Variants in BCL2 observed in about 807,000 individuals in gnomAD.
BCL2 encodes the protein apoptosis regulator Bcl-2.
Under a neutral mutation model 14.2 loss-of-function variants are expected in BCL2, and 1 was observed. The observed-to-expected ratio is 0.07, with a 90% CI of 0.02 to 0.33. The LOEUF is 0.33. BCL2 is among the 10% of genes least tolerant of loss of function. The pLI, the probability that BCL2 is intolerant of heterozygous loss-of-function variation, is 0.99. For synonymous variants in BCL2, 151 were observed against 137.2 expected (o/e 1.10, Z -0.70); for missense variants, 247 against 305.9 (o/e 0.81, Z 1.44).
At chr18:63,219,656 T>C (rs1266187586) in intron 2 of BCL2, among the ~76,000 whole-genome samples, 1 of 152,116 alleles carries the variant, frequency 6.6e-6, no homozygotes, top group Non-Finnish European at 1.5e-5. Flanking sequence ...CACCATTGTC[T>C]TCCAAGTGTG....
intron 2 of BCL2, among the ~76,000 whole-genome samples, chr18:63,290,793 C>G (rs1226950885): frequency 2.0e-5 from 3 of 152,158 alleles, no homozygotes; most frequent in Non-Finnish European, 4.4e-5. Context: ...AAAAGAATAA[C>G]CTAATTCATT....
intron 2 of BCL2, among the ~76,000 whole-genome samples, chr18:63,146,666 C>T (rs747913916): frequency 2.6e-5 from 4 of 152,110 alleles, no homozygotes; most frequent in African/African-American, 7.2e-5. Context: ...ATTCTTATGT[C>T]TTACAATTTT....
intron 2 of BCL2, among the ~76,000 whole-genome samples, chr18:63,225,076 G>A (rs868521506): frequency 2.6e-5 from 4 of 152,090 alleles, no homozygotes; most frequent in African/African-American, 7.2e-5. Flanking sequence ...GATTACTAAT[G>A]TGATCAGCTT....
At chr18:63,208,783 T>C (rs17062654) in intron 2 of BCL2, among the ~76,000 whole-genome samples, 3,014 of 152,332 alleles carry the variant, frequency 0.02, 32 homozygotes, top group South Asian at 0.055. Context: ...TGCTTTGGAC[T>C]GAATAATACT....
At chr18:63,317,835 A>C in intron 2 of BCL2, 1 of 1,384,082 alleles carries the variant, frequency 7.2e-7, no homozygotes, top group Non-Finnish European at 9.3e-7. Flanking sequence ...TGGATTACAA[A>C]CGCTAGATCT....
chr18:63,138,602 C>A (rs1055333043), intron 2 of BCL2, among the ~76,000 whole-genome samples: 2 of 152,248 alleles, frequency 1.3e-5, no homozygotes, highest in Non-Finnish European at 2.9e-5. Context: ...TCCAGGCTGG[C>A]GAAGGCTGCT....
chr18:63,232,436 G>A (rs560693626), intron 2 of BCL2, among the ~76,000 whole-genome samples: 65 of 151,750 alleles, frequency 4.3e-4, no homozygotes, highest in African/African-American at 1.4e-3. Flanking sequence ...ACTCTATAAG[G>A]AAAAAACAAC....
At position 63,300,466 on chromosome 18, in the gene BCL2, C is replaced by CTGTGTG. The variant is rs371006514; in HGVS notation, c.585+17610_585+17615dup. On this transcript the variant is annotated intron_variant, in intron 2 of 2. Coordinates refer to ENST00000333681, the MANE Select transcript of BCL2 (RefSeq NM_000633.3). ...TCTTGTGCTCCTTCTCTCTCTCTCT[C>CTGTGTG]TGTGTGTGTGTGTGTGTGTGTGTGT... Among the ~76,000 whole-genome samples the CTGTGTG allele has an allele frequency of 6.3e-3, 930 of 148,116 alleles. 5 individuals are homozygous for CTGTGTG. Among genetic ancestry groups the CTGTGTG allele is most frequent in the Middle Eastern group, 0.014 (4 of 288 alleles).
At chr18:63,276,888 G>C (rs903760864) in intron 2 of BCL2, among the ~76,000 whole-genome samples, 4 of 152,172 alleles carry the variant, frequency 2.6e-5, no homozygotes, top group Non-Finnish European at 5.9e-5. Flanking sequence ...GCATTGTATG[G>C]ATGGTTTGTA....
At chr18:63,290,931 A>C (rs1017966279) in intron 2 of BCL2, among the ~76,000 whole-genome samples, 2 of 152,144 alleles carry the variant, frequency 1.3e-5, no homozygotes, top group Non-Finnish European at 2.9e-5. Context: ...AACATATTTC[A>C]AAAGCCTCCG....
intron 2 of BCL2, among the ~76,000 whole-genome samples, chr18:63,253,306 C>T (rs193287123): frequency 1.3e-4 from 20 of 152,370 alleles, no homozygotes; most frequent in Admixed American, 1.3e-3. Context: ...ATACTGCTCA[C>T]ACCTGACACT....
rs1254854602 is a variant in BCL2 at position 63,127,711 on chromosome 18, T to G, written c.*914A>C. ...CCTGATGCTCTGGGTAACTCTAGCC[T>G]TCCTGATGCGGAAGTCACCGAAATG... On this transcript the variant is annotated 3_prime_UTR_variant, in exon 3 of 3. Transcript: ENST00000333681. 4.4e-6 allele frequency: 1 copy of G among 226,932 alleles called. No homozygotes were observed. Among genetic ancestry groups the G allele is most frequent in the African/African-American group, 2.2e-5 (1 of 45,014 alleles). 14.1% of individuals were successfully genotyped at this position (226,932 alleles called of 1,614,324 possible). A position where few individuals can be genotyped will look rare whatever the true frequency, so the allele number is the denominator to read the frequency against.
chr18:63,260,628 C>T (rs4987743), intron 2 of BCL2, among the ~76,000 whole-genome samples: 2,452 of 152,026 alleles, frequency 0.016, 50 homozygotes, highest in South Asian at 0.067. Context: ...GGGTCAGGTT[C>T]GTTACTAATG....
intron 2 of BCL2, among the ~76,000 whole-genome samples, chr18:63,178,717 G>C (rs1457889640): frequency 1.3e-5 from 2 of 152,042 alleles, no homozygotes; most frequent in African/African-American, 4.8e-5. Flanking sequence ...GGCCCCAGGG[G>C]ACAAACAGAG....
intron 2 of BCL2, among the ~76,000 whole-genome samples, chr18:63,305,441 T>C (rs956336079): frequency 6.6e-6 from 1 of 152,182 alleles, no homozygotes; most frequent in Non-Finnish European, 1.5e-5. Flanking sequence ...CTTCTTTACA[T>C]GGGCATAAAC....
chr18:63,212,218 C>T (rs191460996), intron 2 of BCL2, among the ~76,000 whole-genome samples: 25 of 151,156 alleles, frequency 1.7e-4, no homozygotes, highest in East Asian at 7.8e-4. Flanking sequence ...CCCAGCTACT[C>T]GGGAGGCTGA....
At chr18:63,251,232 G>A (rs997841350) in intron 2 of BCL2, among the ~76,000 whole-genome samples, 2 of 152,204 alleles carry the variant, frequency 1.3e-5, no homozygotes, top group East Asian at 3.9e-4. Flanking sequence ...GGCTCTGTAT[G>A]GTGGGTCAAG....
At chr18:63,191,751 C>T (rs1478106628) in intron 2 of BCL2, among the ~76,000 whole-genome samples, 4 of 152,122 alleles carry the variant, frequency 2.6e-5, no homozygotes, top group African/African-American at 4.8e-5. Flanking sequence ...GGTTTTAGGC[C>T]GGTGCATTTG....
chr18:63,297,927 C>G (rs1818469603), intron 2 of BCL2, among the ~76,000 whole-genome samples: 1 of 152,180 alleles, frequency 6.6e-6, no homozygotes, highest in African/African-American at 2.4e-5. Context: ...GCACGTGTCC[C>G]TGGGATCCGT....
Sources: gnomAD v4.1 joint callset for allele counts (sites outside exome capture counted in the v4.1 genomes callset) on GRCh38, gnomAD v4.1.1 for gene constraint, MANE v1.5 for transcripts, NCBI Gene and HGNC (gene_info 2026-07-23, HGNC 2026-07-21) for gene names.